THRB: variants seen among roughly 807,000 people sequenced by gnomAD.
THRB encodes the protein nuclear receptor subfamily 1 group A member 2.
Under a neutral mutation model 47.8 loss-of-function variants are expected in THRB, and 12 were observed. The observed-to-expected ratio is 0.25, with a 90% CI of 0.16 to 0.41. The LOEUF (loss-of-function observed/expected upper bound fraction) is 0.41. Among genes scored for constraint, THRB ranks in the 10% least tolerant of loss-of-function variants. THRB has a pLI of 1.00. For synonymous variants in THRB, 218 were observed against 212.2 expected (o/e 1.03, Z -0.24); for missense variants, 348 against 589.2 (o/e 0.59, Z 4.24).
At chr3:24,269,403 G>GCA (rs200586026) in intron 3 of THRB, among the ~76,000 whole-genome samples, 2,592 of 72,454 alleles carry the variant, frequency 0.036, 79 homozygotes, top group Admixed American at 0.11. Flanking sequence ...GCGCGCGCGC[G>GCA]CACACACACA....
At chr3:24,295,764 T>C (rs2056394377) in intron 3 of THRB, among the ~76,000 whole-genome samples, 1 of 152,212 alleles carries the variant, frequency 6.6e-6, no homozygotes, top group African/African-American at 2.4e-5. Flanking sequence ...CAACTATGTA[T>C]GAATCCTTGG....
intron 5 of THRB, among the ~76,000 whole-genome samples, chr3:24,156,246 T>C (rs1190331914): frequency 6.6e-6 from 1 of 152,220 alleles, no homozygotes; most frequent in Non-Finnish European, 1.5e-5. Flanking sequence ...GCCTTCTTGG[T>C]TGAAAACAGA....
chr3:24,434,034 C>G (rs1467082834), intron 1 of THRB, among the ~76,000 whole-genome samples: 3 of 152,148 alleles, frequency 2.0e-5, no homozygotes, highest in Middle Eastern at 6.8e-3. Flanking sequence ...CCTCTTGTTC[C>G]TCTCTGATGG....
chr3:24,285,402 A>G (rs976200770), intron 3 of THRB, among the ~76,000 whole-genome samples: 14 of 136,848 alleles, frequency 1.0e-4, no homozygotes, highest in African/African-American at 3.6e-4. Flanking sequence ...TGGACACAGG[A>G]AGGGGAACAT....
chr3:24,341,231 C>CTTTTTTTTTT (rs5847287), intron 1 of THRB, among the ~76,000 whole-genome samples: 5 of 104,050 alleles, frequency 4.8e-5, no homozygotes, highest in East Asian at 2.6e-4. Flanking sequence ...ATGAGATTAC[C>CTTTTTTTTTT]TTTTTTTTTT....
chr3:24,154,718 G>A (rs949758008), intron 5 of THRB, among the ~76,000 whole-genome samples: 4 of 152,210 alleles, frequency 2.6e-5, no homozygotes, highest in African/African-American at 7.2e-5. Context: ...AGGAAAACAG[G>A]CACCTTCCTG....
intron 1 of THRB, among the ~76,000 whole-genome samples, chr3:24,487,043 G>A (rs1697407352): frequency 6.6e-6 from 1 of 152,168 alleles, no homozygotes; most frequent in Non-Finnish European, 1.5e-5. Context: ...GAAAGATTAT[G>A]ATTATAATGT....
At chr3:24,149,995 G>C (rs2036665973) in intron 6 of THRB, among the ~76,000 whole-genome samples, 1 of 152,142 alleles carries the variant, frequency 6.6e-6, no homozygotes, top group African/African-American at 2.4e-5. Flanking sequence ...TTAGTACTTT[G>C]AGATGATTCA....
chr3:24,481,540 A>C (rs1272997305), intron 1 of THRB, among the ~76,000 whole-genome samples: 1 of 152,104 alleles, frequency 6.6e-6, no homozygotes, highest in Non-Finnish European at 1.5e-5. Context: ...AAAATCTAGC[A>C]AAGAAATATC....
chr3:24,263,010 T>C (rs1240265747), intron 3 of THRB, among the ~76,000 whole-genome samples: 1 of 152,228 alleles, frequency 6.6e-6, no homozygotes, highest in Non-Finnish European at 1.5e-5. Context: ...TTCTAGAGTA[T>C]CTGGGCCCAG....
chr3:24,491,162 T>A (rs936245333), intron 1 of THRB, among the ~76,000 whole-genome samples: 3 of 152,200 alleles, frequency 2.0e-5, no homozygotes, highest in African/African-American at 7.2e-5. Context: ...CCAAATTAAA[T>A]ACTCTAAAGC....
rs917641298 is a variant in THRB at position 24,214,116 on chromosome 3, C to T, written c.22+14822G>A. On this transcript the variant is annotated intron_variant, in intron 4 of 10. Coordinates refer to ENST00000646209, the MANE Select transcript of THRB (RefSeq NM_001354712.2). ...AAACTGAGTATTAAGAAAGGGAAAGCGACTTGCCCAAGGTCACAGCTGAAG... is the reference window on the plus strand; with the variant it reads ...AAACTGAGTATTAAGAAAGGGAAAGTGACTTGCCCAAGGTCACAGCTGAAG... Among the ~76,000 whole-genome samples, 50 of 152,190 alleles carry T rather than the reference C, an allele frequency of 3.3e-4. 1 individual carries two copies. Among genetic ancestry groups the T allele is most frequent in the Admixed American group, 3.1e-3 (47 of 15,284 alleles).
At chr3:24,339,431 C>T (rs1325142561) in intron 1 of THRB, among the ~76,000 whole-genome samples, 5 of 151,912 alleles carry the variant, frequency 3.3e-5, no homozygotes, top group African/African-American at 4.8e-5. Context: ...AGCATTTTGC[C>T]CAAAGTCAAA....
chr3:24,259,163 A>C (rs1439472200), intron 3 of THRB, among the ~76,000 whole-genome samples: 2 of 152,196 alleles, frequency 1.3e-5, no homozygotes, highest in East Asian at 1.9e-4. Flanking sequence ...ATTTATTTTC[A>C]GGTGCTGCAA....
intron 1 of THRB, among the ~76,000 whole-genome samples, chr3:24,445,303 G>C (rs1397972340): frequency 3.9e-5 from 6 of 152,020 alleles, no homozygotes; most frequent in African/African-American, 7.2e-5. Context: ...GTAAAATACA[G>C]GTGGTTATTT....
intron 1 of THRB, among the ~76,000 whole-genome samples, chr3:24,341,403 A>G (rs1220616840): frequency 6.0e-5 from 9 of 151,220 alleles, no homozygotes; most frequent in Non-Finnish European, 1.3e-4. Flanking sequence ...GCTAATTTTT[A>G]TATTTTTGTA....
chr3:24,479,108 C>T (rs545437956), intron 1 of THRB, among the ~76,000 whole-genome samples: 2 of 152,130 alleles, frequency 1.3e-5, no homozygotes, highest in African/African-American at 2.4e-5. Flanking sequence ...ACCATCCTGG[C>T]TAACACGGTG....
At chr3:24,129,480 T>A (rs1474403450) in intron 9 of THRB, among the ~76,000 whole-genome samples, 1 of 152,238 alleles carries the variant, frequency 6.6e-6, no homozygotes, top group Non-Finnish European at 1.5e-5. Flanking sequence ...AAGTAGAAAT[T>A]TTCTTTTCCA....
chr3:24,341,892 C>T (rs1475189970), intron 1 of THRB, among the ~76,000 whole-genome samples: 2 of 152,066 alleles, frequency 1.3e-5, no homozygotes, highest in African/African-American at 4.8e-5. Flanking sequence ...CCAGGTCAGC[C>T]TAGACCAGCC....
Sources: gnomAD v4.1 joint callset for allele counts (sites outside exome capture counted in the v4.1 genomes callset) on GRCh38, gnomAD v4.1.1 for gene constraint, MANE v1.5 for transcripts, NCBI Gene and HGNC (gene_info 2026-07-23, HGNC 2026-07-21) for gene names.